Variants in TGIF1 observed in about 807,000 individuals in gnomAD.
The protein encoded by TGIF1 is homeobox protein TGIF1.
In TGIF1, 4 loss-of-function variants were observed where a neutral mutation model predicts 19.3. The ratio of observed to expected loss-of-function variants is 0.21; its 90% CI spans 0.10 to 0.47. The LOEUF (loss-of-function observed/expected upper bound fraction) is 0.47. Ranked by LOEUF, TGIF1 falls within the 20% of genes least tolerant of loss-of-function variation. TGIF1 has a pLI of 0.98. For missense variants in TGIF1, 275 were observed against 341.4 expected (o/e 0.81, Z 1.53); for synonymous variants, 122 against 129.3 (o/e 0.94, Z 0.38).
At chr18:3,444,241 C>A (rs143872077) in intron 2 of TGIF1, among the ~76,000 whole-genome samples, 90 of 151,704 alleles carry the variant, frequency 5.9e-4, no homozygotes, top group African/African-American at 2.1e-3. Flanking sequence ...TTGCACCCGG[C>A]CTGTATTCTT....
At position 3,451,759 on chromosome 18, in the gene TGIF1, A is replaced by G. The variant is rs573855816; in HGVS notation, c.16+1254A>G. 946 of 1,251,094 alleles carry G rather than the reference A, an allele frequency of 7.6e-4. 1 individual carries two copies. Among genetic ancestry groups the G allele is most frequent in the Non-Finnish European group, 7.9e-4 (794 of 998,938 alleles). 77.5% of individuals were successfully genotyped at this position (1,251,094 alleles called of 1,614,324 possible). A position where few individuals can be genotyped will look rare whatever the true frequency, so the allele number is the denominator to read the frequency against. On this transcript the variant is annotated intron_variant, in intron 1 of 2. Coordinates refer to ENST00000343820, the MANE Select transcript of TGIF1 (RefSeq NM_003244.4). The surrounding 1 kb of genome is among the most constrained non-coding windows in gnomAD (Gnocchi z 5.4). The stretch of plus-strand genomic sequence containing the variant: ...GAAATTAAACTTGAAACTCGGATCA[A>G]CTGGCAGTCGTTGTTGGTAGAACGC...
chr18:3,449,741 A>C (rs1285472954), upstream of TGIF1: 8 of 985,406 alleles, frequency 8.1e-6, no homozygotes, highest in Non-Finnish European at 9.6e-6. Flanking sequence ...GAGCAGGGCC[A>C]GTAGAGTTCG....
chr18:3,442,832 A>G (rs961408485), intron 2 of TGIF1, among the ~76,000 whole-genome samples: 1 of 152,252 alleles, frequency 6.6e-6, no homozygotes, highest in Admixed American at 6.5e-5. Context: ...TCTCAAAGAA[A>G]TGTGAACAAT....
intron 1 of TGIF1, chr18:3,453,913 C>T (rs1288833149): frequency 5.7e-6 from 5 of 877,218 alleles, no homozygotes; most frequent in Non-Finnish European, 6.8e-6. Flanking sequence ...TTCAAAAGCG[C>T]TGTTACAATA....
At chr18:3,419,158 G>A (rs910081607) in intron 2 of TGIF1, among the ~76,000 whole-genome samples, 5 of 152,124 alleles carry the variant, frequency 3.3e-5, no homozygotes, top group Admixed American at 6.6e-5. Flanking sequence ...AAATACACTG[G>A]AATTCATATA....
Position 3,458,821 on chromosome 18 carries a change from A to G in TGIF1, c.*881A>G, listed in dbSNP as rs2049444068. The G allele has an allele frequency of 6.6e-6, 1 of 152,222 alleles. No individual in the cohort carries two copies. The highest frequency in any genetic ancestry group is 6.5e-5 in the Admixed American group (1 of 15,282). The allele number at this position is 152,222 out of a possible 1,614,324, so 9.4% of individuals were successfully genotyped here. ...CCCTTTTTCCACGTTACCCTTTAAA[A>G]TAACCTTTGTTCAGTGGTACATTTA... On this transcript the variant is annotated 3_prime_UTR_variant, in exon 3 of 3. Coordinates refer to ENST00000343820, the MANE Select transcript of TGIF1 (RefSeq NM_003244.4).
At position 3,457,944 on chromosome 18, in the gene TGIF1, A is replaced by C. The variant is rs1231971234; in HGVS notation, c.*4A>C. Reference sequence around the variant, plus strand: ...TCAGGCAAAACTTACAGCTTAACCCATTTTCAAGCAAAACAGTTCTCAGAA... The same window carrying C: ...TCAGGCAAAACTTACAGCTTAACCCCTTTTCAAGCAAAACAGTTCTCAGAA... On this transcript the variant is annotated 3_prime_UTR_variant, in exon 3 of 3. Transcript: ENST00000343820. This position sits in a 1 kb window ranked among gnomAD's most constrained non-coding sequence, Gnocchi z 4.9. The C allele has an allele frequency of 3.1e-6, 5 of 1,599,524 alleles. No homozygotes were observed. The highest frequency in any genetic ancestry group is 1.6e-4 in the Middle Eastern group (1 of 6,084).
intron 2 of TGIF1, among the ~76,000 whole-genome samples, chr18:3,425,086 G>A (rs1459518293): frequency 6.6e-6 from 1 of 152,188 alleles, no homozygotes; most frequent in African/African-American, 2.4e-5. Flanking sequence ...GTCTAAAGTG[G>A]GGCAGTCTTG....
chr18:3,452,452 A>C, intron 1 of TGIF1: 1 of 1,603,278 alleles, frequency 6.2e-7, no homozygotes, highest in South Asian at 1.1e-5. Flanking sequence ...TGCCGAGGTT[A>C]CCCGGGTTTC....
In TGIF1 at chr18:3,434,567, T is replaced by C. The variant is rs146358676; in HGVS notation, c.-45+16352T>C. On this transcript the variant is annotated intron_variant, in intron 2 of 3. Transcript: ENST00000401449. The stretch of plus-strand genomic sequence containing the variant: ...ATAAAAATAAAAAAATAAAAAAAAT[T>C]AGCCAGGCGTGGTGGCATGCGCCTG... Among the ~76,000 whole-genome samples the C allele has an allele frequency of 2.5e-3, 383 of 151,406 alleles. 6 individuals carry two copies. Among genetic ancestry groups the C allele is most frequent in the East Asian group, 0.02 (104 of 5,122 alleles).
At chr18:3,447,629 C>T, upstream of TGIF1, 8 of 1,189,990 alleles carry the variant, frequency 6.7e-6, no homozygotes, top group Non-Finnish European at 1.0e-5. Flanking sequence ...TGGGGGGAGG[C>T]AGTGGGGGTG....
chr18:3,427,997 G>A (rs1039670618), intron 2 of TGIF1, among the ~76,000 whole-genome samples: 1 of 152,228 alleles, frequency 6.6e-6, no homozygotes, highest in East Asian at 1.9e-4. Flanking sequence ...GGTACCTGAG[G>A]CACTTTCAGG....
Position 3,458,683 on chromosome 18 carries a change from C to T in TGIF1, c.*743C>T, listed in dbSNP as rs1345610716. The stretch of plus-strand genomic sequence containing the variant: ...TTTAGTGTTTAGCTAGCCACTAAAT[C>T]CCTTGCTGATCTGTCCTGCGTAGTT... On this transcript the variant is annotated 3_prime_UTR_variant, in exon 3 of 3. Coordinates refer to ENST00000343820, the MANE Select transcript of TGIF1 (RefSeq NM_003244.4). 6.5e-6 allele frequency: 1 copy of T among 152,832 alleles called. No individual in the cohort carries two copies. Among genetic ancestry groups the T allele is most frequent in the African/African-American group, 2.4e-5 (1 of 41,454 alleles). The allele number at this position is 152,832 out of a possible 1,614,324, so 9.5% of individuals were successfully genotyped here.
At chr18:3,453,999 AC>A (rs1372484906) in intron 1 of TGIF1, 1 of 243,358 alleles carries the variant, frequency 4.1e-6, no homozygotes, top group Admixed American at 6.5e-5. Context: ...TTTAATGAAA[AC>A]AGTCCTGACA....
intron 1 of TGIF1, chr18:3,452,340 C>G (rs761858727): frequency 1.9e-5 from 30 of 1,613,356 alleles, no homozygotes; most frequent in Non-Finnish European, 2.5e-5. Flanking sequence ...CCAGGGCGCA[C>G]AGGGTCCAGC....
At chr18:3,431,431 T>C (rs2143192078) in intron 2 of TGIF1, among the ~76,000 whole-genome samples, 1 of 151,946 alleles carries the variant, frequency 6.6e-6, no homozygotes, top group East Asian at 1.9e-4. Flanking sequence ...AGCGAGACTG[T>C]GTCTCAAAAA....
At chr18:3,427,542 C>A (rs543762533) in intron 2 of TGIF1, among the ~76,000 whole-genome samples, 5 of 151,164 alleles carry the variant, frequency 3.3e-5, no homozygotes, top group African/African-American at 9.7e-5. Context: ...CCGCCTGCCT[C>A]AGCCTCCCAG....
rs1012345176 is a variant in TGIF1, at chr18:3,451,209, C to CA, written c.16+708dup. On this transcript the variant is annotated intron_variant, in intron 1 of 2. Transcript: ENST00000343820. This position sits in a 1 kb window ranked among gnomAD's most constrained non-coding sequence, Gnocchi z 5.4. ...CCAGCAGCTTCAAGCGGCATGCAGT[C>CA]AAAATGCGTCCAAATGTGACAAGCA... Among the ~76,000 whole-genome samples the CA allele has an allele frequency of 1.1e-4, 17 of 152,278 alleles. No homozygotes were observed. The highest frequency in any genetic ancestry group is 3.9e-4 in the African/African-American group (16 of 41,552).
chr18:3,444,321 AC>A (rs1372785690), intron 2 of TGIF1, among the ~76,000 whole-genome samples: 1 of 143,022 alleles, frequency 7.0e-6, no homozygotes, highest in Non-Finnish European at 1.5e-5. Context: ...AAATTTTTTA[AC>A]TTTAATTTAC....
Sources: gnomAD v4.1 joint callset for allele counts (sites outside exome capture counted in the v4.1 genomes callset) on GRCh38, gnomAD v4.1.1 for gene constraint, Gnocchi (gnomAD v3.1) non-coding constraint, MANE v1.5 for transcripts, NCBI Gene and HGNC (gene_info 2026-07-23, HGNC 2026-07-21) for gene names.